The following CPED1 variants were observed in gnomAD, a reference collection of about 807,000 sequenced individuals.
CPED1 encodes cadherin-like and PC-esterase domain-containing protein 1.
In CPED1, 114 loss-of-function variants were observed where a neutral mutation model predicts 128.2. That is an observed-to-expected ratio of 0.89 (90% CI 0.76 to 1.04). CPED1 has a LOEUF of 1.04. CPED1 is among the 50% of genes least tolerant of loss of function. The pLI, the probability that CPED1 is intolerant of heterozygous loss-of-function variation, is 0.00. For synonymous variants in CPED1, 462 were observed against 426.7 expected (o/e 1.08, Z -1.02); for missense variants, 1,211 against 1,207.1 (o/e 1.00, Z -0.05).
chr7:121,093,483 C>G (rs73717446), intron 5 of CPED1, among the ~76,000 whole-genome samples: 2,007 of 151,474 alleles, frequency 0.013, 40 homozygotes, highest in African/African-American at 0.046. Context: ...AGGGCCAAAA[C>G]TTGTATTTAC....
chr7:121,171,654 ATAAAG>A (rs1796651222), intron 16 of CPED1, among the ~76,000 whole-genome samples: 1 of 152,186 alleles, frequency 6.6e-6, no homozygotes, highest in Admixed American at 6.5e-5. Flanking sequence ...AGTCTCATTC[ATAAAG>A]TAATGTTATG....
chr7:121,192,426 C>A (rs925350450), intron 16 of CPED1, among the ~76,000 whole-genome samples: 2 of 152,092 alleles, frequency 1.3e-5, no homozygotes, highest in African/African-American at 2.4e-5. Flanking sequence ...CAAAACACTT[C>A]TGGTTCCAAA....
Position 121,098,757 on chromosome 7 carries a change from AATATATAT to A in CPED1, c.749+928_749+935del, listed in dbSNP as rs1794761927. ...ATATATATATATAAAAATATATAAA[AATATATAT>A]AAATATATATATATAAAAATATATA... On this transcript the variant is annotated intron_variant, in intron 6 of 22. Transcript: ENST00000310396. Among the ~76,000 whole-genome samples, 38 of 49,542 alleles carry A rather than the reference AATATATAT, an allele frequency of 7.7e-4. 4 individuals carry two copies. The South Asian group carries it at 0.018, about 24-fold the overall frequency. 32.5% of individuals were successfully genotyped at this position (49,542 alleles called of 152,430 possible).
At chr7:121,289,480 C>T (rs1194205237) in intron 22 of CPED1, among the ~76,000 whole-genome samples, 1 of 152,082 alleles carries the variant, frequency 6.6e-6, no homozygotes, top group African/African-American at 2.4e-5. Context: ...TACAGATTTC[C>T]TATTCAAATA....
At chr7:121,165,014 C>T (rs2116446522) in intron 16 of CPED1, among the ~76,000 whole-genome samples, 1 of 152,198 alleles carries the variant, frequency 6.6e-6, no homozygotes, top group East Asian at 1.9e-4. Context: ...TTCTAAGTTT[C>T]TTCTTGAACT....
intron 22 of CPED1, among the ~76,000 whole-genome samples, chr7:121,277,643 C>T (rs1178356036): frequency 3.9e-5 from 6 of 152,116 alleles, no homozygotes; most frequent in African/African-American, 7.2e-5. Context: ...CTGAATCCTC[C>T]TCTGAGACGG....
chr7:121,067,464 T>C (rs1418415781), intron 5 of CPED1, among the ~76,000 whole-genome samples: 1 of 152,206 alleles, frequency 6.6e-6, no homozygotes. Flanking sequence ...TATGGCTGCA[T>C]AGTATTCCAT....
At chr7:121,141,729 A>G (rs936340365) in intron 15 of CPED1, among the ~76,000 whole-genome samples, 1 of 152,076 alleles carries the variant, frequency 6.6e-6, no homozygotes, top group Non-Finnish European at 1.5e-5. Flanking sequence ...GTTAATAAAT[A>G]TTAGTTTCCT....
chr7:121,233,556 C>A (rs771217100), intron 16 of CPED1, among the ~76,000 whole-genome samples: 8 of 151,962 alleles, frequency 5.3e-5, no homozygotes, highest in Non-Finnish European at 7.4e-5. Context: ...CTCAAAACAA[C>A]AACAATACTG....
intron 7 of CPED1, 130 bp downstream of exon 7, chr7:121,100,224 C>T (rs766221115): frequency 2.5e-5 from 20 of 785,716 alleles, no homozygotes; most frequent in South Asian, 1.1e-4. Flanking sequence ...TTTTTATTGC[C>T]GCAAGAAAAG....
chr7:121,129,514 C>T (rs1011295901), intron 11 of CPED1, among the ~76,000 whole-genome samples: 12 of 151,064 alleles, frequency 7.9e-5, no homozygotes, highest in African/African-American at 1.9e-4. Context: ...CTATTTTAAA[C>T]GTATAAGTAT....
At chr7:121,107,281 C>G (rs915823236) in intron 7 of CPED1, among the ~76,000 whole-genome samples, 1 of 152,070 alleles carries the variant, frequency 6.6e-6, no homozygotes, top group Non-Finnish European at 1.5e-5. Flanking sequence ...ACTTTTTCAT[C>G]ACTGTGGTAA....
At chr7:121,087,014 G>A (rs1383746563) in intron 5 of CPED1, among the ~76,000 whole-genome samples, 2 of 152,172 alleles carry the variant, frequency 1.3e-5, no homozygotes, top group Non-Finnish European at 2.9e-5. Flanking sequence ...AGGGGACCTA[G>A]GTAGAAATGA....
At chr7:121,278,369 T>TATCA (rs1792370400) in intron 22 of CPED1, among the ~76,000 whole-genome samples, 1 of 152,122 alleles carries the variant, frequency 6.6e-6, no homozygotes, top group African/African-American at 2.4e-5. Flanking sequence ...TCTCCTTCTC[T>TATCA]ATCATTTCTT....
chr7:121,132,031 C>A (rs1235073039), intron 12 of CPED1, among the ~76,000 whole-genome samples: 1 of 151,070 alleles, frequency 6.6e-6, no homozygotes, highest in East Asian at 1.9e-4. Flanking sequence ...GACAAGTAAA[C>A]CTTACTACGT....
chr7:121,105,575 C>T (rs969624354), intron 7 of CPED1, among the ~76,000 whole-genome samples: 1 of 152,060 alleles, frequency 6.6e-6, no homozygotes, highest in African/African-American at 2.4e-5. Flanking sequence ...TATTACTTAA[C>T]CTACTTTTGC....
At chr7:121,035,478 C>A (rs565912352) in intron 3 of CPED1, among the ~76,000 whole-genome samples, 143 of 152,056 alleles carry the variant, frequency 9.4e-4, no homozygotes, top group African/African-American at 3.3e-3. Flanking sequence ...ATGTGAGTAC[C>A]AGTTGAAGAT....
At position 121,140,952 on chromosome 7, in the gene CPED1, A is replaced by AT; in HGVS notation, c.1827dup (p.Gly610TrpfsTer6). On this transcript the variant is annotated frameshift_variant, in exon 15 of 23. Transcript: ENST00000310396. LOFTEE classifies it high-confidence loss of function. ...CCCATTTGATGTGGTAACAGTGACA[A>AT]TTGGAGTGGAAACTCCTAAGTGTCT... 2 of 1,612,650 alleles carry AT rather than the reference A, an allele frequency of 1.2e-6. No individual in the cohort carries two copies. Among genetic ancestry groups the AT allele is most frequent in the Non-Finnish European group, 1.7e-6 (2 of 1,179,194 alleles).
rs1286167648 is a variant in CPED1 at position 121,256,111 on chromosome 7, C to CAAAAAAAA, written c.2311-10111_2311-10104dup. Among the ~76,000 whole-genome samples the CAAAAAAAA allele has an allele frequency of 1.6e-3, 53 of 34,120 alleles. 3 individuals are homozygous for CAAAAAAAA. Among genetic ancestry groups the CAAAAAAAA allele is most frequent in the African/African-American group, 5.4e-3 (49 of 9,102 alleles). The allele number at this position is 34,120 out of a possible 152,430, so 22.4% of individuals were successfully genotyped here. On this transcript the variant is annotated intron_variant, in intron 18 of 22. Coordinates refer to ENST00000310396, the MANE Select transcript of CPED1 (RefSeq NM_024913.5). The stretch of plus-strand genomic sequence containing the variant: ...CCCTAATAGTTAAAGCAATCCTAAG[C>CAAAAAAAA]AAAAAAAAAAAACAAAACAAAAAAA...
Sources: gnomAD v4.1 joint callset for allele counts (sites outside exome capture counted in the v4.1 genomes callset) on GRCh38, gnomAD v4.1.1 for gene constraint, MANE v1.5 for transcripts, NCBI Gene and HGNC (gene_info 2026-07-23, HGNC 2026-07-21) for gene names.